RHBDL2: variants seen among roughly 807,000 people sequenced by gnomAD.
RHBDL2 encodes rhomboid like 2.
RHBDL2 carries 26 observed loss-of-function variants against 31.7 expected under a neutral mutation model. The observed-to-expected ratio is 0.82, with a 90% CI of 0.60 to 1.14. The LOEUF (loss-of-function observed/expected upper bound fraction) is 1.14, where lower values mean the gene tolerates loss of function less well. Among genes scored for constraint, RHBDL2 ranks in the 50% most tolerant of loss-of-function variants. The pLI, the probability that RHBDL2 is intolerant of heterozygous loss-of-function variation, is 0.00. For synonymous variants in RHBDL2, 123 were observed against 127.2 expected, an observed-to-expected ratio of 0.97 and a Z score of 0.22; for missense variants, 336 against 364.4, an observed-to-expected ratio of 0.92 and a Z score of 0.63.
At chr1:38,929,645 C>T (rs1327614077) in intron 1 of RHBDL2, 10 of 1,205,072 alleles carry the variant, frequency 8.3e-6, no homozygotes, top group African/African-American at 6.3e-5. Flanking sequence ...GGCTGGGCAG[C>T]GGGCTGTGCT....
At chr1:38,914,168 G>A (rs1643197130) in intron 3 of RHBDL2, among the ~76,000 whole-genome samples, 1 of 151,634 alleles carries the variant, frequency 6.6e-6, no homozygotes, top group East Asian at 1.9e-4. Context: ...GGCGGGCACT[G>A]CATCTCCTAT....
At position 38,919,221 on chromosome 1, in the gene RHBDL2, G is replaced by A. The variant is rs1643278852; in HGVS notation, c.-9C>T. On this transcript the variant is annotated 5_prime_UTR_variant, in exon 2 of 8. Coordinates refer to ENST00000372990, the MANE Select transcript of RHBDL2 (RefSeq NM_017821.5). ...TCATGAACAGCAGCCATTGTCCTGG[G>A]TCCTCCCTCCTCCCCAGAAGGACAT... 3 of 1,613,816 alleles carry A rather than the reference G, an allele frequency of 1.9e-6. No individual in the cohort carries two copies. Among genetic ancestry groups the A allele is most frequent in the Admixed American group, 1.7e-5 (1 of 59,962 alleles).
At chr1:38,901,179 A>G (rs1447563965) in intron 4 of RHBDL2, among the ~76,000 whole-genome samples, 1 of 151,338 alleles carries the variant, frequency 6.6e-6, no homozygotes, top group Non-Finnish European at 1.5e-5. Context: ...TATCAGGCAT[A>G]TGGTCGGCTG....
At chr1:38,894,345 T>G (rs1280190746) in intron 5 of RHBDL2, among the ~76,000 whole-genome samples, 1 of 151,950 alleles carries the variant, frequency 6.6e-6, no homozygotes, top group Non-Finnish European at 1.5e-5. Flanking sequence ...GTTGTTTGAG[T>G]TGGAGTCTCA....
intron 7 of RHBDL2, among the ~76,000 whole-genome samples, chr1:38,887,456 A>T (rs11586920): frequency 1.3e-5 from 2 of 151,798 alleles, no homozygotes; most frequent in South Asian, 4.2e-4. Context: ...AGACAGAGTC[A>T]CTCTGTCACC....
chr1:38,918,634 T>C (rs868771105), intron 2 of RHBDL2, among the ~76,000 whole-genome samples: 35 of 152,212 alleles, frequency 2.3e-4, no homozygotes, highest in African/African-American at 8.0e-4. Flanking sequence ...AATCGGTTCA[T>C]GAGAGAAAGC....
chr1:38,919,839 G>T (rs2124339353), intron 1 of RHBDL2, among the ~76,000 whole-genome samples: 1 of 152,118 alleles, frequency 6.6e-6, no homozygotes, highest in East Asian at 1.9e-4. Context: ...CTCCCAAAGT[G>T]CTGGGATTAC....
intron 1 of RHBDL2, among the ~76,000 whole-genome samples, chr1:38,922,909 T>C (rs1643332259): frequency 6.6e-6 from 1 of 152,058 alleles, no homozygotes; most frequent in African/African-American, 2.4e-5. Flanking sequence ...CTGGCCAATA[T>C]GGTGAAACCC....
intron 1 of RHBDL2, among the ~76,000 whole-genome samples, chr1:38,937,463 G>A (rs772715285): frequency 6.6e-6 from 1 of 152,260 alleles, no homozygotes; most frequent in East Asian, 1.9e-4. Context: ...AATGAAAACA[G>A]AGTTGAAAAG....
chr1:38,910,266 G>A (rs1643122026), intron 4 of RHBDL2, among the ~76,000 whole-genome samples: 1 of 152,106 alleles, frequency 6.6e-6, no homozygotes, highest in South Asian at 2.1e-4. Context: ...AAAATGTTTT[G>A]TACCCTGACT....
chr1:38,926,063 G>A (rs1643371242), intron 1 of RHBDL2: 5 of 1,244,990 alleles, frequency 4.0e-6, no homozygotes, highest in South Asian at 1.3e-5. Context: ...ATCTTCTCCT[G>A]GTGGGCAGCA....
intron 1 of RHBDL2, among the ~76,000 whole-genome samples, chr1:38,920,432 TG>T (rs1450172297): frequency 6.6e-6 from 1 of 151,908 alleles, no homozygotes; most frequent in Non-Finnish European, 1.5e-5. Flanking sequence ...CCTCCCAAAG[TG>T]TTGGGATTAC....
At chr1:38,902,656 A>C (rs1315757851) in intron 4 of RHBDL2, among the ~76,000 whole-genome samples, 1 of 151,928 alleles carries the variant, frequency 6.6e-6, no homozygotes, top group Non-Finnish European at 1.5e-5. Context: ...TCCTGACCTG[A>C]TGATCCGCCC....
At chr1:38,918,439 C>G (rs1643266856) in intron 2 of RHBDL2, among the ~76,000 whole-genome samples, 1 of 152,156 alleles carries the variant, frequency 6.6e-6, no homozygotes, top group Non-Finnish European at 1.5e-5. Flanking sequence ...GTCATCCCAC[C>G]TCTCTGAGCC....
At chr1:38,929,635 G>A (rs1643419052) in intron 1 of RHBDL2, 2 of 1,231,384 alleles carry the variant, frequency 1.6e-6, no homozygotes, top group South Asian at 1.4e-5. Context: ...GAGCTCAGGA[G>A]GCTGGGCAGC....
In RHBDL2 at chr1:38,933,706, A is replaced by G. The variant is rs892383658; in HGVS notation, c.-126+7976T>C. Among the ~76,000 whole-genome samples the G allele has an allele frequency of 2.7e-5, 4 of 147,334 alleles. No individual in the cohort carries two copies. In the East Asian group the frequency reaches 6.1e-4, roughly 22 times the overall value. On this transcript the variant is annotated intron_variant, in intron 1 of 7. Coordinates refer to ENST00000372990, the MANE Select transcript of RHBDL2 (RefSeq NM_017821.5). ...ATGGCCGGCGATGTTTATCAGTGTC[A>G]TACCTCACAGGTCTTCACAATTTTT... is the stretch of plus-strand genomic sequence containing the variant.
chr1:38,911,602 CTGTG>C (rs56978792), intron 3 of RHBDL2, among the ~76,000 whole-genome samples, 168 bp from the exon 4 acceptor site: 5,017 of 142,084 alleles, frequency 0.035, 151 homozygotes, highest in East Asian at 0.11. Context: ...TTTCTTTTTT[CTGTG>C]TGTGTGTGTG....
intron 4 of RHBDL2, among the ~76,000 whole-genome samples, chr1:38,902,075 C>CAA (rs1642997958): frequency 6.6e-6 from 1 of 151,298 alleles, no homozygotes; most frequent in African/African-American, 2.4e-5. Flanking sequence ...TTCAAATGTA[C>CAA]AAAGAACACT....
intron 6 of RHBDL2, among the ~76,000 whole-genome samples, chr1:38,888,520 C>T (rs556059292): frequency 1.2e-4 from 18 of 152,200 alleles, no homozygotes; most frequent in African/African-American, 4.3e-4. Flanking sequence ...GAGAATATGA[C>T]GCTGGACAGA....
Sources: allele counts gnomAD v4.1 joint callset (sites outside exome capture counted in the v4.1 genomes callset), GRCh38; gene constraint gnomAD v4.1.1; transcripts MANE v1.5; gene names NCBI Gene and HGNC (gene_info 2026-07-23, HGNC 2026-07-21).